The following CRTAC1 variants were observed in gnomAD, a reference collection of about 807,000 sequenced individuals.
CRTAC1 encodes the protein cartilage acidic protein 1, also known as acidic secreted protein in cartilage.
A neutral mutation model predicts 67.8 loss-of-function variants in CRTAC1; 37 were observed. That is an observed-to-expected ratio of 0.55 (90% CI 0.42 to 0.72). The LOEUF is 0.72. CRTAC1 is among the 30% of genes least tolerant of loss of function. The probability of loss-of-function intolerance (pLI) is 0.00; values close to 1 mark genes in which losing one functional copy is unlikely to be tolerated. For missense variants in CRTAC1, 780 were observed against 931.6 expected (o/e 0.84, Z 2.12); for synonymous variants, 348 against 371.0 (o/e 0.94, Z 0.71).
intron 14 of CRTAC1, chr10:97,878,646 C>T (rs1207652367): frequency 7.7e-7 from 1 of 1,304,114 alleles, no homozygotes. Flanking sequence ...CAGGAGCATT[C>T]TATTTTCCAA....
chr10:97,870,872 C>G (rs898652938), intron 14 of CRTAC1: 3 of 152,158 alleles, frequency 2.0e-5, no homozygotes, highest in African/African-American at 7.2e-5. Flanking sequence ...CTCGACCCGA[C>G]TGCATTCAGG....
intron 11 of CRTAC1, among the ~76,000 whole-genome samples, chr10:97,885,375 G>T (rs1430068396): frequency 6.6e-6 from 1 of 152,146 alleles, no homozygotes; most frequent in African/African-American, 2.4e-5. Context: ...TAGAAAAGAT[G>T]GAGTGATAAA....
intron 2 of CRTAC1, among the ~76,000 whole-genome samples, chr10:97,937,967 C>T (rs773305280): frequency 6.6e-6 from 1 of 152,226 alleles, no homozygotes; most frequent in Non-Finnish European, 1.5e-5. Flanking sequence ...TGAGAGAAAT[C>T]ACGTCTTTCT....
chr10:97,973,396 C>G (rs1249904968), intron 2 of CRTAC1, among the ~76,000 whole-genome samples: 1 of 151,718 alleles, frequency 6.6e-6, no homozygotes, highest in Non-Finnish European at 1.5e-5. Context: ...CCCACCCCGG[C>G]CCCCTTTTCT....
At position 97,936,409 on chromosome 10, in the gene CRTAC1, G is replaced by T. The variant is rs771556758; in HGVS notation, c.225-43C>A. On this transcript the variant is annotated intron_variant, in intron 2 of 14. Coordinates refer to ENST00000370597, the MANE Select transcript of CRTAC1 (RefSeq NM_018058.7). ...AGGGGATGCTGGGGAGGAGCCGCTG[G>T]GCCCACCCAGTCCCATCCAACCAGA... is the stretch of plus-strand genomic sequence containing the variant. 4 of 1,524,942 alleles carry T rather than the reference G, an allele frequency of 2.6e-6. No individual in the cohort carries two copies. The South Asian group carries it at 4.8e-5, about 18-fold the overall frequency. 94.5% of individuals were successfully genotyped at this position (1,524,942 alleles called of 1,614,324 possible).
chr10:97,948,061 G>A (rs1002683579), intron 2 of CRTAC1, among the ~76,000 whole-genome samples: 4 of 149,212 alleles, frequency 2.7e-5, no homozygotes, highest in Non-Finnish European at 5.9e-5. Context: ...TGAAATGATA[G>A]TGCAGAATAA....
intron 3 of CRTAC1, among the ~76,000 whole-genome samples, chr10:97,924,162 TAAG>T (rs1322214176): frequency 6.6e-6 from 1 of 152,178 alleles, no homozygotes; most frequent in East Asian, 1.9e-4. Flanking sequence ...CGTTCGTGAC[TAAG>T]AAGCCTTGTT....
rs1229484395 is a variant in CRTAC1 at position 97,880,249 on chromosome 10, C to A, written c.1819G>T (p.Gly607Trp). 2 of 1,613,974 alleles carry A rather than the reference C, an allele frequency of 1.2e-6. No individual in the cohort carries two copies. Among genetic ancestry groups the A allele is most frequent in the Non-Finnish European group, 1.7e-6 (2 of 1,179,952 alleles). Residue 607 changes from glycine (G) to tryptophan (W), a missense_variant and splice_region_variant, in exon 14 of 15, where the codon GGG (glycine) becomes TGG (tryptophan). By Grantham distance (184) the Gly-to-Trp change is radical. Transcript: ENST00000370597. Reference sequence around the variant, plus strand: ...GGCCTATGGCTGGGGCCCCACTCACCCACGCAGGCTGTGCCATCCTCGTTG... The same window carrying A: ...GGCCTATGGCTGGGGCCCCACTCACACACGCAGGCTGTGCCATCCTCGTTG... Reference protein sequence around the residue: ...EPNEDGTACVGTLGQSPGPRP... With the variant: ...EPNEDGTACVWTLGQSPGPRP...
At chr10:97,928,387 C>T (rs937681062) in intron 3 of CRTAC1, among the ~76,000 whole-genome samples, 1 of 152,154 alleles carries the variant, frequency 6.6e-6, no homozygotes, top group African/African-American at 2.4e-5. Flanking sequence ...ATCCACAACA[C>T]CAGGGACAGG....
chr10:97,977,935 T>C (rs1389033939), intron 2 of CRTAC1, among the ~76,000 whole-genome samples: 1 of 152,176 alleles, frequency 6.6e-6, no homozygotes, highest in East Asian at 1.9e-4. Context: ...CTGTTCCTGA[T>C]GGGGAGGGGA....
intron 2 of CRTAC1, among the ~76,000 whole-genome samples, chr10:97,986,342 G>A (rs1487552320): frequency 6.6e-6 from 1 of 152,224 alleles, no homozygotes; most frequent in African/African-American, 2.4e-5. Context: ...ATCTATCAGA[G>A]ACAACACATG....
intron 2 of CRTAC1, among the ~76,000 whole-genome samples, chr10:98,001,423 A>G (rs931748812): frequency 1.3e-5 from 2 of 152,158 alleles, no homozygotes; most frequent in Admixed American, 6.5e-5. Flanking sequence ...TTTTTGTCAA[A>G]TCTAAAGTGT....
chr10:97,982,316 C>G (rs1464529865), intron 2 of CRTAC1, among the ~76,000 whole-genome samples: 2 of 152,192 alleles, frequency 1.3e-5, no homozygotes, highest in African/African-American at 2.4e-5. Flanking sequence ...CAAAGTCAAA[C>G]AAGGTTGGGT....
At chr10:97,898,976 G>C (rs2050497971) in intron 8 of CRTAC1, among the ~76,000 whole-genome samples, 3 of 152,086 alleles carry the variant, frequency 2.0e-5, no homozygotes, top group Admixed American at 2.0e-4. Flanking sequence ...GAGTTCCCTG[G>C]GTGCTGCAGG....
intron 11 of CRTAC1, among the ~76,000 whole-genome samples, chr10:97,893,055 T>C (rs1285102935): frequency 6.6e-6 from 1 of 152,202 alleles, no homozygotes. Flanking sequence ...CCTTGGCAGG[T>C]TTCTTAATTG....
intron 12 of CRTAC1, among the ~76,000 whole-genome samples, chr10:97,883,087 C>T (rs7088024): frequency 0.018 from 2,770 of 152,334 alleles, 82 homozygotes; most frequent in African/African-American, 0.062. Flanking sequence ...CGAGCTGGGA[C>T]GTCTAACAGA....
chr10:97,906,132 T>C (rs542784423), intron 6 of CRTAC1, among the ~76,000 whole-genome samples: 15 of 152,094 alleles, frequency 9.9e-5, no homozygotes, highest in Non-Finnish European at 1.3e-4. Flanking sequence ...CTGAGAACCC[T>C]GGAGGCTGAG....
intron 11 of CRTAC1, among the ~76,000 whole-genome samples, chr10:97,885,922 C>T (rs1287113646): frequency 2.0e-5 from 3 of 152,244 alleles, no homozygotes; most frequent in African/African-American, 4.8e-5. Flanking sequence ...ACAAATTAAA[C>T]TTAAAATTGC....
At chr10:97,914,599 G>T (rs1421211696) in intron 5 of CRTAC1, among the ~76,000 whole-genome samples, 1 of 152,114 alleles carries the variant, frequency 6.6e-6, no homozygotes, top group African/African-American at 2.4e-5. Flanking sequence ...CTAGTTCAAT[G>T]TCCTCAGAAA....
Sources: gnomAD v4.1 joint callset for allele counts (sites outside exome capture counted in the v4.1 genomes callset) on GRCh38, gnomAD v4.1.1 for gene constraint, MANE v1.5 for transcripts, NCBI Gene and HGNC (gene_info 2026-07-23, HGNC 2026-07-21) for gene names.